The following VPS13C variants were observed in gnomAD, a reference collection of about 807,000 sequenced individuals.
VPS13C encodes intermembrane lipid transfer protein VPS13C.
Under a neutral mutation model 456.8 loss-of-function variants are expected in VPS13C, and 358 were observed. The ratio of observed to expected loss-of-function variants is 0.78; its 90% CI spans 0.72 to 0.86. The LOEUF (loss-of-function observed/expected upper bound fraction) is 0.86. VPS13C is among the 40% of genes least tolerant of loss of function. The pLI is 0.00. For synonymous variants in VPS13C, 1,578 were observed against 1,486.7 expected (o/e 1.06, Z -1.41); for missense variants, 4,818 against 4,385.4 (o/e 1.10, Z -2.79).
chr15:61,947,152 T>C (rs747397776), intron 43 of VPS13C, 41 bp downstream of exon 43: 17 of 1,322,512 alleles, frequency 1.3e-5, no homozygotes, highest in African/African-American at 4.6e-5. Flanking sequence ...CCTAGTTATG[T>C]AAAGAAACAG....
intron 3 of VPS13C, among the ~76,000 whole-genome samples, chr15:62,035,869 T>C (rs1243723584): frequency 6.6e-6 from 1 of 151,994 alleles, no homozygotes; most frequent in African/African-American, 2.4e-5. Context: ...AATATTACTG[T>C]CCCAATTTTG....
intron 9 of VPS13C, among the ~76,000 whole-genome samples, chr15:62,017,253 A>G (rs956588296): frequency 1.2e-4 from 19 of 152,054 alleles, no homozygotes; most frequent in African/African-American, 3.6e-4. Context: ...CACTCTGATG[A>G]TAGTTTCTTT....
At position 61,994,888 on chromosome 15, in the gene VPS13C, C is replaced by G. The variant is rs186358862; in HGVS notation, c.1354-3086G>C. Among the ~76,000 whole-genome samples the G allele has an allele frequency of 3.3e-5, 5 of 152,210 alleles. No homozygotes were observed. In the East Asian group the frequency reaches 9.7e-4, roughly 29 times the overall value. ...CAGGAGTGGGCCATCACATCGGCCT[C>G]TATTCAGCTATCTTAAATGATGTCA... On this transcript the variant is annotated intron_variant, in intron 16 of 84. Coordinates refer to ENST00000644861, the MANE Select transcript of VPS13C (RefSeq NM_020821.3).
intron 13 of VPS13C, among the ~76,000 whole-genome samples, chr15:62,009,455 A>G (rs1056881431): frequency 1.3e-5 from 2 of 152,130 alleles, no homozygotes; most frequent in African/African-American, 4.8e-5. Flanking sequence ...GCGGCTGTTT[A>G]TCACTTGAAA....
At position 61,914,878 on chromosome 15, in the gene VPS13C, T is replaced by TAAAAAAAAAA. The variant is rs60910951; in HGVS notation, c.8445+745_8445+754dup. 2.8e-3 allele frequency among the ~76,000 whole-genome samples: 289 copies of TAAAAAAAAAA among 102,034 alleles called. 36 individuals are homozygous for TAAAAAAAAAA. The highest frequency in any genetic ancestry group is 6.3e-3 in the South Asian group (19 of 3,012). The allele number at this position is 102,034 out of a possible 152,430, so 66.9% of individuals were successfully genotyped here. On this transcript the variant is annotated intron_variant, in intron 61 of 84. Transcript: ENST00000644861. ...ACCGAGCCTGGCCAAAACTCTGCCTTAAAAAAAAAAAAAAAAAAAAAAAAA... is the reference window on the plus strand; with the variant it reads ...ACCGAGCCTGGCCAAAACTCTGCCTTAAAAAAAAAAAAAAAAAAAAAAAAAAAAAAAAAAA...
chr15:61,974,538 C>T lies in VPS13C; in HGVS notation c.2409-121G>A. On this transcript the variant is annotated intron_variant, in intron 24 of 84. Transcript: ENST00000644861. ...CTTTTGACATGTTTTAATCTAATTA[C>T]ACTAATGCCTCATTTAGACAACATT... 5.2e-6 allele frequency: 5 copies of T among 970,774 alleles called. No homozygotes were observed. In the South Asian group the frequency reaches 8.1e-5, roughly 16 times the overall value. 60.1% of individuals were successfully genotyped at this position (970,774 alleles called of 1,614,324 possible). A position where few individuals can be genotyped will look rare whatever the true frequency, so the allele number is the denominator to read the frequency against.
rs781198699 is a variant in VPS13C at position 62,023,839 on chromosome 15, T to C, written c.455A>G (p.Lys152Arg). ...AAAATGTTTTTTGTGCTTTTTACGT[T>C]TACGTCCTTCACAGTGGAAGCATTT... ...FVYKDIKPGR[K>R]RKKHKKHFKK... The change falls in exon 7 of 85, where the codon AAA (lysine) becomes AGA (arginine). Residue 152 changes from lysine to arginine, a missense_variant. This residue lies in a region of VPS13C where 4,552 missense variants were observed against 4,130.6 expected (regional missense o/e 1.10). Coordinates refer to ENST00000644861, the MANE Select transcript of VPS13C (RefSeq NM_020821.3). 18 of 1,610,538 alleles carry C rather than the reference T, an allele frequency of 1.1e-5. No homozygotes were observed. The highest frequency in any genetic ancestry group is 1.2e-5 in the Non-Finnish European group (14 of 1,178,110).
intron 4 of VPS13C, among the ~76,000 whole-genome samples, chr15:62,034,722 A>C (rs2047927646): frequency 6.6e-6 from 1 of 151,934 alleles, no homozygotes; most frequent in South Asian, 2.1e-4. Context: ...CTTAGAAAAC[A>C]GAATAAATTG....
intron 59 of VPS13C, 123 bp downstream of exon 59, chr15:61,918,013 C>A (rs2043527989): frequency 1.0e-6 from 1 of 993,652 alleles, no homozygotes; most frequent in Non-Finnish European, 1.4e-6. Flanking sequence ...CAATGGAAGA[C>A]TAAATTATGT....
intron 32 of VPS13C, 59 bp downstream of exon 32, chr15:61,963,776 G>T: frequency 1.6e-6 from 2 of 1,260,770 alleles, no homozygotes; most frequent in South Asian, 1.2e-5. Flanking sequence ...ATTGCAAAGA[G>T]ACAAAAAGAA....
intron 50 of VPS13C, 149 bp downstream of exon 50, chr15:61,930,941 A>T: frequency 1.2e-6 from 1 of 828,008 alleles, no homozygotes; most frequent in African/African-American, 1.7e-5. Context: ...ATCTGATATT[A>T]GCACTACTTC....
chr15:62,026,333 A>G (rs541991683), intron 6 of VPS13C, among the ~76,000 whole-genome samples: 1 of 152,112 alleles, frequency 6.6e-6, no homozygotes, highest in African/African-American at 2.4e-5. Context: ...GCTTTACTGA[A>G]TTATGCAAAT....
At chr15:62,007,197 G>C in intron 15 of VPS13C, 111 bp downstream of exon 15, 5 of 894,170 alleles carry the variant, frequency 5.6e-6, no homozygotes, top group Non-Finnish European at 7.5e-6. Context: ...CTCTCAAAAA[G>C]AGGTGAATTC....
At chr15:61,910,344 C>G (rs757005422) in intron 63 of VPS13C, 39 bp from the exon 64 acceptor site, 1 of 1,360,864 alleles carries the variant, frequency 7.3e-7, no homozygotes, top group African/African-American at 1.5e-5. Context: ...TAAGACAATA[C>G]CGTTATATAA....
intron 26 of VPS13C, 100 bp from the exon 27 acceptor site, chr15:61,972,864 G>C (rs190252173): frequency 4.3e-5 from 55 of 1,283,242 alleles, no homozygotes; most frequent in Admixed American, 9.3e-5. Context: ...TCATTTATTA[G>C]ATATAATCTT....
intron 79 of VPS13C, among the ~76,000 whole-genome samples, chr15:61,871,235 A>C (rs1895006017): frequency 6.6e-6 from 1 of 152,184 alleles, no homozygotes; most frequent in Admixed American, 6.5e-5. Context: ...TTTTGCTCTT[A>C]CATTTAGGTA....
chr15:61,935,773 A>G (rs2044208463), intron 48 of VPS13C: 1 of 152,194 alleles, frequency 6.6e-6, no homozygotes, highest in Non-Finnish European at 1.5e-5. Flanking sequence ...TGTGATTTCA[A>G]AACACACCTA....
rs1895164196 is a variant in VPS13C, at chr15:61,873,231, C to T, written c.10578+15G>A. 6.2e-7 allele frequency: 1 copy of T among 1,611,852 alleles called. No individual in the cohort carries two copies. The highest frequency in any genetic ancestry group is 1.7e-5 in the Admixed American group (1 of 59,584). Reference sequence around the variant, plus strand: ...TTAAGTTGCAGATTTCTTAAAGATTCAGCAAAGAACTTACTCGCAGAAAGC... The same window carrying T: ...TTAAGTTGCAGATTTCTTAAAGATTTAGCAAAGAACTTACTCGCAGAAAGC... On this transcript the variant is annotated intron_variant, in intron 78 of 84. Coordinates refer to ENST00000644861, the MANE Select transcript of VPS13C (RefSeq NM_020821.3).
intron 43 of VPS13C, among the ~76,000 whole-genome samples, chr15:61,946,949 C>T (rs2044627660): frequency 6.6e-6 from 1 of 152,044 alleles, no homozygotes; most frequent in South Asian, 2.1e-4. Flanking sequence ...TTTCTAAAGG[C>T]ATAATGATTT....
Sources: allele counts gnomAD v4.1 joint callset (sites outside exome capture counted in the v4.1 genomes callset), GRCh38; gene constraint gnomAD v4.1.1; regional missense constraint gnomAD v4.1.1; transcripts MANE v1.5; gene names NCBI Gene and HGNC (gene_info 2026-07-23, HGNC 2026-07-21).